The following RNF216 variants were observed in gnomAD, a reference collection of about 807,000 sequenced individuals.
RNF216 encodes ring finger protein 216, also known as E3 ubiquitin-protein ligase RNF216.
Under a neutral mutation model 110.8 loss-of-function variants are expected in RNF216, and 72 were observed. That is an observed-to-expected ratio of 0.65 (90% CI 0.54 to 0.79). RNF216 has a LOEUF of 0.79. Ranked by LOEUF, RNF216 falls within the 30% of genes least tolerant of loss-of-function variation. RNF216 has a pLI of 0.00. For synonymous variants in RNF216, 495 were observed against 407.5 expected (o/e 1.21, Z -2.59); for missense variants, 1,342 against 1,141.2 (o/e 1.18, Z -2.54).
In RNF216 at chr7:5,622,696, TC is replaced by T; in HGVS notation, c.*163del. 1.4e-6 allele frequency: 1 copy of T among 695,366 alleles called. No individual in the cohort carries two copies. The highest frequency in any genetic ancestry group is 2.4e-6 in the Non-Finnish European group (1 of 412,742). The allele number at this position is 695,366 out of a possible 1,614,324, so 43.1% of individuals were successfully genotyped here. On this transcript the variant is annotated 3_prime_UTR_variant, in exon 17 of 17. Coordinates refer to ENST00000389902, the MANE Select transcript of RNF216 (RefSeq NM_207111.4). ...TCTTTATTATGGATCCGTCCACTCT[TC>T]CAGGAGCAGTAGCCCTTCTAGGAAA...
intron 15 of RNF216, among the ~76,000 whole-genome samples, chr7:5,639,738 G>GC (rs1184100516): frequency 8.6e-5 from 13 of 151,384 alleles, no homozygotes; most frequent in Admixed American, 8.6e-4. Context: ...AGGATTATAG[G>GC]CATGTGACAC....
At position 5,723,292 on chromosome 7, in the gene RNF216, G is replaced by C. The variant is rs1469856820; in HGVS notation, c.1504+2032C>G. Among the ~76,000 whole-genome samples the C allele has an allele frequency of 5.9e-5, 9 of 152,176 alleles. No homozygotes were observed. In the East Asian group the frequency reaches 1.2e-3, roughly 20 times the overall value. On this transcript the variant is annotated intron_variant, in intron 8 of 16. Transcript: ENST00000389902. ...CTATTATTTCTTTCGTCTTTACTCA[G>C]TTCTTTTTGTAGTTTATCATGTTAA...
chr7:5,752,067 C>T (rs908609792), intron 3 of RNF216, among the ~76,000 whole-genome samples: 2 of 151,972 alleles, frequency 1.3e-5, no homozygotes, highest in Non-Finnish European at 2.9e-5. Flanking sequence ...CGCCTGTAAT[C>T]CCAGCTACTC....
In RNF216 at chr7:5,623,186, G is replaced by A. The variant is rs1242722391; in HGVS notation, c.2453-7C>T. ...ATGCGTTTGAAGGTGTTCTCTGAAA[G>A]GGATGTGGGGATTAGTGGAGAAAAA... On this transcript the variant is annotated splice_region_variant and splice_polypyrimidine_tract_variant and intron_variant, in intron 16 of 16. Coordinates refer to ENST00000389902, the MANE Select transcript of RNF216 (RefSeq NM_207111.4). The A allele has an allele frequency of 1.3e-6, 2 of 1,538,360 alleles. No individual in the cohort carries two copies. Among genetic ancestry groups the A allele is most frequent in the African/African-American group, 1.4e-5 (1 of 73,274 alleles).
chr7:5,680,366 C>T lies in RNF216; in HGVS notation c.2062-27856G>A, dbSNP rs543089177. On this transcript the variant is annotated intron_variant, in intron 13 of 16. Transcript: ENST00000389902. This position sits in a 1 kb window ranked among gnomAD's most constrained non-coding sequence, Gnocchi z 4.3. ...CCAAGTCTCCTACCCGAGTCCTCCA[C>T]GTGGTGGGCTTGTCAGCTCACTGGT... 9 of 152,356 alleles carry T rather than the reference C, an allele frequency of 5.9e-5. No individual in the cohort carries two copies. In the East Asian group the frequency reaches 1.5e-3, roughly 26 times the overall value. 9.4% of individuals were successfully genotyped at this position (152,356 alleles called of 1,614,324 possible). A position where few individuals can be genotyped will look rare whatever the true frequency, so the allele number is the denominator to read the frequency against.
intron 11 of RNF216, among the ~76,000 whole-genome samples, chr7:5,714,081 A>C (rs1376656062): frequency 1.3e-5 from 2 of 151,894 alleles, no homozygotes; most frequent in African/African-American, 4.8e-5. Flanking sequence ...CAGCTCACTA[A>C]GCCTCCCGAG....
intron 13 of RNF216, among the ~76,000 whole-genome samples, chr7:5,683,920 G>A (rs564990995): frequency 6.6e-5 from 10 of 151,948 alleles, no homozygotes; most frequent in Admixed American, 2.6e-4. Flanking sequence ...GAATAGGGAC[G>A]GGCATCACTT....
chr7:5,717,260 G>C (rs964107406), intron 9 of RNF216, among the ~76,000 whole-genome samples: 1 of 152,146 alleles, frequency 6.6e-6, no homozygotes, highest in Admixed American at 6.5e-5. Flanking sequence ...GGCTGAAGCA[G>C]GAAGATTACT....
At chr7:5,693,919 T>C (rs980018476) in intron 13 of RNF216, among the ~76,000 whole-genome samples, 1 of 152,206 alleles carries the variant, frequency 6.6e-6, no homozygotes, top group East Asian at 1.9e-4. Flanking sequence ...CAACGAAAAT[T>C]AATAACTGTT....
intron 3 of RNF216, among the ~76,000 whole-genome samples, chr7:5,751,733 T>C (rs1795336576): frequency 6.8e-6 from 1 of 147,432 alleles, no homozygotes; most frequent in African/African-American, 2.5e-5. Flanking sequence ...AGCCAACCAC[T>C]TCTCCTCAGC....
rs138954656 is a variant in RNF216 at position 5,709,281 on chromosome 7, C to G, written c.2061+2480G>C. Among the ~76,000 whole-genome samples the G allele has an allele frequency of 1.7e-3, 263 of 152,304 alleles. 1 individual carries two copies. Among genetic ancestry groups the G allele is most frequent in the Middle Eastern group, 0.01 (3 of 294 alleles). On this transcript the variant is annotated intron_variant, in intron 13 of 16. Transcript: ENST00000389902. Reference sequence around the variant, plus strand: ...AGATATATGTTCCAGTCTTCTTTTTCCTCCCCAGAAAGATGCCAGGAGTTG... The same window carrying G: ...AGATATATGTTCCAGTCTTCTTTTTGCTCCCCAGAAAGATGCCAGGAGTTG...
At chr7:5,634,832 T>C (rs1005210735) in intron 15 of RNF216, among the ~76,000 whole-genome samples, 2 of 152,230 alleles carry the variant, frequency 1.3e-5, no homozygotes, top group Non-Finnish European at 2.9e-5. Context: ...TGTGCTGCCC[T>C]GCTTGGGAAA....
At chr7:5,714,360 C>G (rs1051938708) in intron 11 of RNF216, among the ~76,000 whole-genome samples, 37 of 152,178 alleles carry the variant, frequency 2.4e-4, no homozygotes, top group African/African-American at 8.9e-4. Context: ...CCAGATTCAA[C>G]CAATTCTCCT....
intron 2 of RNF216, among the ~76,000 whole-genome samples, chr7:5,755,625 A>G (rs1795594711): frequency 6.6e-6 from 1 of 152,196 alleles, no homozygotes; most frequent in Non-Finnish European, 1.5e-5. Context: ...ATACATCCAT[A>G]CTGCATGCTG....
chr7:5,748,534 G>C (rs573385113), intron 3 of RNF216, among the ~76,000 whole-genome samples: 24 of 152,068 alleles, frequency 1.6e-4, no homozygotes, highest in African/African-American at 5.5e-4. Flanking sequence ...GAGCCACCGT[G>C]TCCAGTTTCT....
intron 2 of RNF216, among the ~76,000 whole-genome samples, chr7:5,756,022 A>G (rs1795620063): frequency 6.6e-6 from 1 of 152,138 alleles, no homozygotes; most frequent in African/African-American, 2.4e-5. Context: ...CTCATCTTGA[A>G]TTGTAATCCC....
rs1449324282 is a variant in RNF216 at position 5,639,027 on chromosome 7, T to G, written c.2382+2127A>C. Among the ~76,000 whole-genome samples, 4 of 152,340 alleles carry G rather than the reference T, an allele frequency of 2.6e-5. No individual in the cohort carries two copies. In the East Asian group the frequency reaches 7.7e-4, roughly 29 times the overall value. Reference sequence around the variant, plus strand: ...CATAGGGAGACTCCTCAGTATAACATCTTCCTCCACAGACATTCTGGCTGG... The same window carrying G: ...CATAGGGAGACTCCTCAGTATAACAGCTTCCTCCACAGACATTCTGGCTGG... On this transcript the variant is annotated intron_variant, in intron 15 of 16. Coordinates refer to ENST00000389902, the MANE Select transcript of RNF216 (RefSeq NM_207111.4).
At chr7:5,779,700 G>A (rs919163941) in intron 1 of RNF216, among the ~76,000 whole-genome samples, 1 of 149,432 alleles carries the variant, frequency 6.7e-6, no homozygotes, top group African/African-American at 2.5e-5. Flanking sequence ...GTGGTGGTGC[G>A]CGCCTGTAAT....
chr7:5,638,670 C>G, intron 15 of RNF216, among the ~76,000 whole-genome samples: 1 of 143,924 alleles, frequency 6.9e-6, no homozygotes, highest in African/African-American at 2.6e-5. Context: ...CAGGGTCTTG[C>G]TCTGTCACCC....
Sources: gnomAD v4.1 joint callset for allele counts (sites outside exome capture counted in the v4.1 genomes callset) on GRCh38, gnomAD v4.1.1 for gene constraint, Gnocchi (gnomAD v3.1) non-coding constraint, MANE v1.5 for transcripts, NCBI Gene and HGNC (gene_info 2026-07-23, HGNC 2026-07-21) for gene names.